The following CADPS2 variants were observed in gnomAD, a reference collection of about 807,000 sequenced individuals.
CADPS2 encodes calcium dependent secretion activator 2.
CADPS2 carries 93 observed loss-of-function variants against 172.5 expected under a neutral mutation model. The observed-to-expected ratio is 0.54, with a 90% CI of 0.46 to 0.64. The LOEUF is 0.64. Among genes scored for constraint, CADPS2 ranks in the 30% least tolerant of loss-of-function variants. The probability of loss-of-function intolerance (pLI) is 0.00; values close to 1 mark genes in which losing one functional copy is unlikely to be tolerated. For synonymous variants in CADPS2, 546 were observed against 555.2 expected (o/e 0.98, Z 0.23); for missense variants, 1,420 against 1,565.9 (o/e 0.91, Z 1.57).
rs2032010613 is a variant in CADPS2, at chr7:122,319,813, C to T, written c.*352G>A. On this transcript the variant is annotated 3_prime_UTR_variant, in exon 30 of 30. Coordinates refer to ENST00000449022, the MANE Select transcript of CADPS2 (RefSeq NM_017954.11). ...TGAGAAATATGTATCTCGCTTTACA[C>T]AGAAAACATCATTTTGATGTGATTA... The T allele has an allele frequency of 5.2e-6, 1 of 191,840 alleles. No individual in the cohort carries two copies. The highest frequency in any genetic ancestry group is 1.3e-4 in the East Asian group (1 of 7,670). The allele number at this position is 191,840 out of a possible 1,614,324, so 11.9% of individuals were successfully genotyped here. A position where few individuals can be genotyped will look rare whatever the true frequency, so the allele number is the denominator to read the frequency against.
At chr7:122,527,256 C>T (rs1008096283) in intron 8 of CADPS2, among the ~76,000 whole-genome samples, 1 of 151,856 alleles carries the variant, frequency 6.6e-6, no homozygotes, top group African/African-American at 2.4e-5. Flanking sequence ...ACCTTAAGCC[C>T]CTTTATGCCG....
intron 1 of CADPS2, among the ~76,000 whole-genome samples, chr7:122,822,894 G>C (rs573933678): frequency 1.3e-5 from 2 of 149,970 alleles, no homozygotes; most frequent in African/African-American, 4.9e-5. Context: ...ATCTCCCTTC[G>C]CTGACTCTCT....
chr7:122,585,135 T>C (rs1432310844), intron 6 of CADPS2, among the ~76,000 whole-genome samples: 1 of 151,968 alleles, frequency 6.6e-6, no homozygotes, highest in African/African-American at 2.4e-5. Flanking sequence ...AGATCCTGAC[T>C]GCAGCAGGCC....
At chr7:122,389,075 G>A (rs2044047724) in intron 22 of CADPS2, among the ~76,000 whole-genome samples, 1 of 151,960 alleles carries the variant, frequency 6.6e-6, no homozygotes, top group South Asian at 2.1e-4. Flanking sequence ...AAAGATTCTT[G>A]CAAATCCCCA....
chr7:122,660,846 G>T (rs1006195433), intron 3 of CADPS2, among the ~76,000 whole-genome samples: 1 of 152,080 alleles, frequency 6.6e-6, no homozygotes, highest in Non-Finnish European at 1.5e-5. Context: ...GGAGGTGGAG[G>T]TTGCAGTAAG....
intron 8 of CADPS2, among the ~76,000 whole-genome samples, chr7:122,548,904 A>G (rs1467763190): frequency 3.9e-5 from 6 of 152,216 alleles, no homozygotes; most frequent in Non-Finnish European, 8.8e-5. Flanking sequence ...CACAAAGAGC[A>G]ACGAACTACC....
chr7:122,751,913 G>A (rs1278628780), intron 1 of CADPS2, among the ~76,000 whole-genome samples: 1 of 152,140 alleles, frequency 6.6e-6, no homozygotes, highest in African/African-American at 2.4e-5. Context: ...TATAGGGCCA[G>A]GTCAAGTCCT....
chr7:122,354,672 C>T (rs2039139677), intron 27 of CADPS2, among the ~76,000 whole-genome samples: 1 of 152,118 alleles, frequency 6.6e-6, no homozygotes, highest in African/African-American at 2.4e-5. Flanking sequence ...TTTTCATCCT[C>T]GTCCTGCATC....
Position 122,790,208 on chromosome 7 carries a change from G to A in CADPS2, c.340-53140C>T, listed in dbSNP as rs1398906063. On this transcript the variant is annotated intron_variant, in intron 1 of 29. Transcript: ENST00000449022. The stretch of plus-strand genomic sequence containing the variant: ...AGACAGGAGTTTGAGGCCAGCCTGG[G>A]CAACAAAAGGAGTCCCTGTGTCTAC... 2.0e-5 allele frequency among the ~76,000 whole-genome samples: 3 copies of A among 151,706 alleles called. No individual in the cohort carries two copies. In the East Asian group the frequency reaches 5.8e-4, roughly 29 times the overall value.
chr7:122,404,455 G>A (rs956559260), intron 20 of CADPS2, among the ~76,000 whole-genome samples: 3 of 152,106 alleles, frequency 2.0e-5, no homozygotes, highest in Admixed American at 1.3e-4. Flanking sequence ...ATAAACATAC[G>A]TGTGCATGTG....
intron 8 of CADPS2, among the ~76,000 whole-genome samples, chr7:122,534,130 C>T (rs146990455): frequency 1.3e-5 from 2 of 152,196 alleles, no homozygotes; most frequent in African/African-American, 4.8e-5. Flanking sequence ...GGAGTCTGAA[C>T]ATTTGCTGAT....
chr7:122,503,707 T>C (rs368373800), intron 9 of CADPS2, among the ~76,000 whole-genome samples: 20 of 152,160 alleles, frequency 1.3e-4, no homozygotes, highest in African/African-American at 4.6e-4. Context: ...AGTACTTTTT[T>C]CCTCCCTCTC....
At chr7:122,846,844 T>C (rs1812120314) in intron 1 of CADPS2, among the ~76,000 whole-genome samples, 1 of 152,218 alleles carries the variant, frequency 6.6e-6, no homozygotes, top group African/African-American at 2.4e-5. Flanking sequence ...ATGCTGTGCA[T>C]GACCCTGCAG....
chr7:122,530,270 A>G (rs1033842007), intron 8 of CADPS2, among the ~76,000 whole-genome samples: 22 of 151,928 alleles, frequency 1.4e-4, no homozygotes, highest in Admixed American at 1.1e-3. Context: ...GTTTTCAACA[A>G]TAAGCTTTGA....
chr7:122,371,208 G>A lies in CADPS2; in HGVS notation c.3387+8160C>T, dbSNP rs571881544. 8.5e-5 allele frequency among the ~76,000 whole-genome samples: 13 copies of A among 152,220 alleles called. No homozygotes were observed. In the South Asian group the frequency reaches 2.5e-3, roughly 29 times the overall value. ...AGCATCGGCAATAAATGGTCAAATCGGTATTTTGGAAAGATACTCTGGCTT... is the reference window on the plus strand; with the variant it reads ...AGCATCGGCAATAAATGGTCAAATCAGTATTTTGGAAAGATACTCTGGCTT... On this transcript the variant is annotated intron_variant, in intron 25 of 29. Transcript: ENST00000449022.
chr7:122,496,822 T>C (rs1050197195), intron 9 of CADPS2, among the ~76,000 whole-genome samples: 3 of 152,192 alleles, frequency 2.0e-5, no homozygotes, highest in African/African-American at 4.8e-5. Context: ...TATTCAGTGA[T>C]TATTCACGTC....
At chr7:122,577,757 C>T (rs2068237267) in intron 7 of CADPS2, among the ~76,000 whole-genome samples, 1 of 152,098 alleles carries the variant, frequency 6.6e-6, no homozygotes, top group Admixed American at 6.6e-5. Flanking sequence ...AAAGTGACTA[C>T]AATTTTGCAC....
chr7:122,389,186 T>C (rs1310935478), intron 22 of CADPS2, among the ~76,000 whole-genome samples: 1 of 152,128 alleles, frequency 6.6e-6, no homozygotes, highest in Non-Finnish European at 1.5e-5. Context: ...TCTGTCTATC[T>C]ACACGTGTGT....
At chr7:122,611,358 G>A (rs185481484) in intron 6 of CADPS2, among the ~76,000 whole-genome samples, 115 of 152,012 alleles carry the variant, frequency 7.6e-4, no homozygotes, top group African/African-American at 2.4e-3. Context: ...AATCGGAAAC[G>A]GAAAAGAGGA....
Sources: gnomAD v4.1 joint callset for allele counts (sites outside exome capture counted in the v4.1 genomes callset) on GRCh38, gnomAD v4.1.1 for gene constraint, MANE v1.5 for transcripts, NCBI Gene and HGNC (gene_info 2026-07-23, HGNC 2026-07-21) for gene names.